PRKG2: variants seen among roughly 807,000 people sequenced by gnomAD.
The protein encoded by PRKG2 is protein kinase cGMP-dependent 2, also known as cGMP-dependent protein kinase 2.
Under a neutral mutation model 97.2 loss-of-function variants are expected in PRKG2, and 33 were observed. That is an observed-to-expected ratio of 0.34 (90% CI 0.26 to 0.45). The LOEUF is 0.45. PRKG2 is among the 20% of genes least tolerant of loss of function. The probability of loss-of-function intolerance (pLI) is 1.00; values close to 1 mark genes in which losing one functional copy is unlikely to be tolerated. For missense variants in PRKG2, 638 were observed against 900.0 expected, an observed-to-expected ratio of 0.71 and a Z score of 3.73; for synonymous variants, 330 against 321.8, an observed-to-expected ratio of 1.03 and a Z score of -0.27.
rs115116648 is a variant in PRKG2 at position 81,194,892 on chromosome 4, T to C, written c.461+9695A>G. ...ACAATGCTCCTCAATGGTGGCTTCA[T>C]ATGAGAATCAGCAGGGGAGCTTTTA... On this transcript the variant is annotated intron_variant, in intron 2 of 18. Coordinates refer to ENST00000264399, the MANE Select transcript of PRKG2 (RefSeq NM_006259.3). Among the ~76,000 whole-genome samples, 769 of 151,636 alleles carry C rather than the reference T, an allele frequency of 5.1e-3. 3 individuals are homozygous for C. The highest frequency in any genetic ancestry group is 0.018 in the African/African-American group (739 of 41,094).
intron 2 of PRKG2, among the ~76,000 whole-genome samples, chr4:81,198,413 C>T (rs1486635394): frequency 6.6e-6 from 1 of 152,190 alleles, no homozygotes; most frequent in African/African-American, 2.4e-5. Context: ...GCAGCTGCCA[C>T]TTAATTCCAG....
At chr4:81,169,849 TA>T (rs1410121856) in intron 4 of PRKG2, 81 bp from the exon 5 acceptor site, 2 of 827,250 alleles carry the variant, frequency 2.4e-6, no homozygotes, top group African/African-American at 3.6e-5. Context: ...ATGGATTTGT[TA>T]TATGTTCTTA....
rs34350550 is a variant in PRKG2, at chr4:81,164,450, GA to G, written c.912+2710del. Among the ~76,000 whole-genome samples, 427 of 147,016 alleles carry G rather than the reference GA, an allele frequency of 2.9e-3. 2 individuals are homozygous for G. The highest frequency in any genetic ancestry group is 6.3e-3 in the African/African-American group (253 of 40,334). Reference sequence around the variant, plus strand: ...CTGGATTTAACCGTTAGGATGACAGGAAAAAAAAAAATCCTGGTTTATGCGA... The same window carrying G: ...CTGGATTTAACCGTTAGGATGACAGGAAAAAAAAAATCCTGGTTTATGCGA... On this transcript the variant is annotated intron_variant, in intron 6 of 18. Coordinates refer to ENST00000264399, the MANE Select transcript of PRKG2 (RefSeq NM_006259.3).
At position 81,092,310 on chromosome 4, in the gene PRKG2, T is replaced by C. The variant is rs1741619888; in HGVS notation, c.2193+76A>G. ...CCAAAATCTGTTATGGGCATATACA[T>C]ACACACATCTAAAATCTGTGTACAA... On this transcript the variant is annotated intron_variant, in intron 18 of 18. Coordinates refer to ENST00000264399, the MANE Select transcript of PRKG2 (RefSeq NM_006259.3). 4 of 974,670 alleles carry C rather than the reference T, an allele frequency of 4.1e-6. No individual in the cohort carries two copies. The Admixed American group carries it at 7.6e-5, about 19-fold the overall frequency. The allele number at this position is 974,670 out of a possible 1,614,324, so 60.4% of individuals were successfully genotyped here. A position where few individuals can be genotyped will look rare whatever the true frequency, so the allele number is the denominator to read the frequency against.
chr4:81,166,333 A>G (rs1225919518), intron 6 of PRKG2, among the ~76,000 whole-genome samples: 1 of 151,982 alleles, frequency 6.6e-6, no homozygotes, highest in Non-Finnish European at 1.5e-5. Flanking sequence ...CCCACTGAGA[A>G]CAGCTTTATA....
intron 4 of PRKG2, among the ~76,000 whole-genome samples, chr4:81,171,208 C>G (rs1403155453): frequency 6.6e-6 from 1 of 151,790 alleles, no homozygotes; most frequent in African/African-American, 2.4e-5. Context: ...GTTCCCCTCC[C>G]TGTGTCCATG....
Position 81,204,910 on chromosome 4 carries a change from C to T in PRKG2, c.138G>A (p.Glu46=), listed in dbSNP as rs755714428. 1.9e-6 allele frequency: 3 copies of T among 1,614,112 alleles called. No homozygotes were observed. Among genetic ancestry groups the T allele is most frequent in the African/African-American group, 2.7e-5 (2 of 74,934 alleles). ...ELRRKDAEIQ[E]REYHLKELRE... ...GCAGCTCCTTCAAATGGTACTCCCG[C>T]TCCTGGATCTCAGCATCCTTCCTCC... is the stretch of plus-strand genomic sequence containing the variant. Residue 46 remains glutamate (E), a synonymous_variant, in exon 2 of 19, where the codon GAG becomes GAA. Transcript: ENST00000264399.
At chr4:81,176,483 T>C (rs987025725) in intron 2 of PRKG2, among the ~76,000 whole-genome samples, 1 of 152,184 alleles carries the variant, frequency 6.6e-6, no homozygotes, top group African/African-American at 2.4e-5. Flanking sequence ...ATTGAGAACA[T>C]ATCTTTGCTA....
intron 14 of PRKG2, among the ~76,000 whole-genome samples, chr4:81,129,427 G>A (rs185333725): frequency 1.3e-4 from 20 of 152,234 alleles, no homozygotes; most frequent in African/African-American, 4.8e-4. Context: ...AATGTTGACA[G>A]TGGAGTGTTA....
chr4:81,116,541 CAAT>C (rs1262374615), intron 14 of PRKG2, among the ~76,000 whole-genome samples: 2 of 152,074 alleles, frequency 1.3e-5, no homozygotes, highest in Middle Eastern at 6.3e-3. Flanking sequence ...GGTATATACC[CAAT>C]AATGAGACTG....
intron 7 of PRKG2, 55 bp from the exon 8 acceptor site, chr4:81,152,109 G>T: frequency 7.5e-7 from 1 of 1,329,676 alleles, no homozygotes; most frequent in Non-Finnish European, 1.1e-6. Context: ...AGGAGAATCT[G>T]AACACACATT....
chr4:81,169,653 T>C lies in PRKG2; in HGVS notation c.848+10A>G, dbSNP rs1750287873. On this transcript the variant is annotated intron_variant, in intron 5 of 18. Coordinates refer to ENST00000264399, the MANE Select transcript of PRKG2 (RefSeq NM_006259.3). ...ACTGTCTTCACTGTCTCCCAATGTA[T>C]TATTCTTACCTTCTGAGGAAGTTTC... The C allele has an allele frequency of 6.4e-7, 1 of 1,557,518 alleles. No individual in the cohort carries two copies. The highest frequency in any genetic ancestry group is 8.8e-7 in the Non-Finnish European group (1 of 1,133,458).
intron 5 of PRKG2, among the ~76,000 whole-genome samples, chr4:81,168,446 C>T (rs1750182978): frequency 6.6e-6 from 1 of 152,132 alleles, no homozygotes; most frequent in Non-Finnish European, 1.5e-5. Context: ...ACATACTAGA[C>T]TCCAAGGTAA....
chr4:81,144,182 A>G (rs372287155), intron 10 of PRKG2, 50 bp downstream of exon 10: 1 of 1,507,468 alleles, frequency 6.6e-7, no homozygotes, highest in African/African-American at 1.4e-5. Flanking sequence ...TTCTTTATTT[A>G]TTGGCTGCCA....
intron 1 of PRKG2, among the ~76,000 whole-genome samples, chr4:81,208,072 T>C (rs17484564): frequency 0.035 from 5,384 of 152,294 alleles, 113 homozygotes; most frequent in Middle Eastern, 0.13. Context: ...AGTCTGGAGA[T>C]AAAGATCAGA....
At chr4:81,135,356 C>G in intron 13 of PRKG2, 60 bp from the exon 14 acceptor site, 1 of 1,501,916 alleles carries the variant, frequency 6.7e-7, no homozygotes, top group Non-Finnish European at 9.0e-7. Flanking sequence ...TGCTGTTCTA[C>G]GTGTCAAATC....
intron 6 of PRKG2, among the ~76,000 whole-genome samples, chr4:81,158,385 AC>A (rs1560590171): frequency 7.4e-6 from 1 of 134,758 alleles, no homozygotes; most frequent in African/African-American, 3.8e-5. Flanking sequence ...CATGTGAAGG[AC>A]CTCTTCAAGG....
chr4:81,184,400 G>A (rs1470736902), intron 2 of PRKG2, among the ~76,000 whole-genome samples: 2 of 152,140 alleles, frequency 1.3e-5, no homozygotes, highest in Non-Finnish European at 2.9e-5. Context: ...CTGCAGCAGA[G>A]GGGCCTATTA....
rs1750293575 is a variant in PRKG2, at chr4:81,169,713, C to T, written c.798G>A (p.Met266Ile). 1 of 1,610,336 alleles carries T rather than the reference C, an allele frequency of 6.2e-7. No individual in the cohort carries two copies. Among genetic ancestry groups the T allele is most frequent in the Admixed American group, 1.7e-5 (1 of 59,484 alleles). The change falls in exon 5 of 19, where the codon ATG becomes ATA. Residue 266 changes from methionine (M) to isoleucine (I), a missense_variant. By Grantham distance (10) the Met-to-Ile change is conservative. This residue lies in a region of PRKG2 where 332 missense variants were observed against 421.7 expected (regional missense o/e 0.79). Transcript: ENST00000264399. The stretch of plus-strand genomic sequence containing the variant: ...CATCTCTAGCTTGGGCTGTCCTCCT[C>T]ATTATATTCTGGAATACCTCTCGAT... ...ALDREVFQNI[M>I]RRTAQARDEQ... is the part of the protein sequence containing the mutation.
Sources: allele counts gnomAD v4.1 joint callset (sites outside exome capture counted in the v4.1 genomes callset), GRCh38; gene constraint gnomAD v4.1.1; regional missense constraint gnomAD v4.1.1; transcripts MANE v1.5; gene names NCBI Gene and HGNC (gene_info 2026-07-23, HGNC 2026-07-21).